NTM: variants seen among roughly 807,000 people sequenced by gnomAD.
NTM encodes the protein IgLON family member 2.
Under a neutral mutation model 42.1 loss-of-function variants are expected in NTM, and 13 were observed. The observed-to-expected ratio is 0.31, with a 90% CI of 0.20 to 0.49. The LOEUF (loss-of-function observed/expected upper bound fraction) is 0.49, where lower values mean the gene tolerates loss of function less well. NTM is among the 20% of genes least tolerant of loss of function. The probability of loss-of-function intolerance (pLI) is 0.99; values close to 1 mark genes in which losing one functional copy is unlikely to be tolerated. For missense variants in NTM, 373 were observed against 452.8 expected (o/e 0.82, Z 1.60); for synonymous variants, 187 against 179.2 (o/e 1.04, Z -0.35).
chr11:132,268,629 G>T (rs547841906), intron 4 of NTM, among the ~76,000 whole-genome samples: 1 of 150,306 alleles, frequency 6.7e-6, no homozygotes, highest in Admixed American at 6.7e-5. Context: ...GTGTGTGTGT[G>T]TGTATGTGTG....
intron 2 of NTM, among the ~76,000 whole-genome samples, chr11:132,033,802 C>G (rs199896651): frequency 6.6e-6 from 1 of 152,068 alleles, no homozygotes; most frequent in East Asian, 1.9e-4. Flanking sequence ...GAGATAAATC[C>G]GGAGACTGGA....
intron 1 of NTM, among the ~76,000 whole-genome samples, chr11:131,848,707 G>T (rs1263283217): frequency 6.6e-6 from 1 of 152,110 alleles, no homozygotes; most frequent in East Asian, 1.9e-4. Context: ...CATCGCCCTT[G>T]GTTCTCATTC....
intron 1 of NTM, among the ~76,000 whole-genome samples, chr11:131,834,176 G>A (rs1160904710): frequency 6.6e-6 from 1 of 152,130 alleles, no homozygotes; most frequent in Non-Finnish European, 1.5e-5. Context: ...GTGCTACTCA[G>A]AATAGGGAGG....
intron 1 of NTM, among the ~76,000 whole-genome samples, chr11:131,664,610 G>A (rs751279584): frequency 3.9e-5 from 6 of 151,984 alleles, no homozygotes; most frequent in South Asian, 2.1e-4. Context: ...CATACGTTGC[G>A]GTTCCCGTGT....
At chr11:132,115,903 A>G (rs2063823746) in intron 2 of NTM, among the ~76,000 whole-genome samples, 1 of 152,158 alleles carries the variant, frequency 6.6e-6, no homozygotes, top group African/African-American at 2.4e-5. Context: ...ATTGGGGCAA[A>G]TAAGCAAAAC....
At chr11:131,509,722 C>T (rs889220799) in intron 1 of NTM, among the ~76,000 whole-genome samples, 6 of 152,190 alleles carry the variant, frequency 3.9e-5, no homozygotes, top group Admixed American at 2.0e-4. Context: ...TTAGTCCATC[C>T]TTCCATTAAT....
chr11:131,415,302 T>A (rs1163272813), intron 1 of NTM, among the ~76,000 whole-genome samples: 3 of 152,184 alleles, frequency 2.0e-5, no homozygotes, highest in Non-Finnish European at 4.4e-5. Flanking sequence ...TGGGTCGGCC[T>A]GATGCCTGGT....
chr11:132,094,099 T>C (rs902406717), intron 2 of NTM, among the ~76,000 whole-genome samples: 28 of 152,180 alleles, frequency 1.8e-4, no homozygotes, highest in African/African-American at 6.5e-4. Flanking sequence ...TTGGCCACCT[T>C]TGATTGGCCA....
At chr11:131,582,947 C>T (rs951482250) in intron 1 of NTM, among the ~76,000 whole-genome samples, 1 of 152,222 alleles carries the variant, frequency 6.6e-6, no homozygotes, top group Non-Finnish European at 1.5e-5. Flanking sequence ...TTTCTTTTAA[C>T]TGAGGTTTTC....
chr11:131,844,150 T>C (rs1210588725), intron 1 of NTM, among the ~76,000 whole-genome samples: 1 of 152,250 alleles, frequency 6.6e-6, no homozygotes, highest in Non-Finnish European at 1.5e-5. Context: ...ATTCTAATAA[T>C]GGCAAAGTGT....
chr11:132,161,063 C>A (rs1354892147), intron 3 of NTM, among the ~76,000 whole-genome samples: 1 of 152,170 alleles, frequency 6.6e-6, no homozygotes, highest in Non-Finnish European at 1.5e-5. Context: ...TATCTGGGAG[C>A]AATGCAGAGA....
intron 3 of NTM, among the ~76,000 whole-genome samples, chr11:132,191,219 G>A (rs1378130895): frequency 6.6e-6 from 1 of 152,140 alleles, no homozygotes; most frequent in Admixed American, 6.5e-5. Flanking sequence ...GAGCAGCTTA[G>A]CCACCCAACC....
intron 1 of NTM, among the ~76,000 whole-genome samples, chr11:131,606,387 C>T (rs1288863277): frequency 6.6e-6 from 1 of 152,078 alleles, no homozygotes; most frequent in Non-Finnish European, 1.5e-5. Context: ...TACCACTGTT[C>T]CTGGAATATA....
intron 3 of NTM, among the ~76,000 whole-genome samples, chr11:132,163,160 A>G (rs1223906202): frequency 6.6e-6 from 1 of 152,100 alleles, no homozygotes; most frequent in East Asian, 1.9e-4. Flanking sequence ...CTCAGGAAAA[A>G]GGGATTTCCT....
At chr11:131,825,482 T>C (rs2042019322) in intron 1 of NTM, among the ~76,000 whole-genome samples, 1 of 152,264 alleles carries the variant, frequency 6.6e-6, no homozygotes, top group African/African-American at 2.4e-5. Context: ...CGAGGACTGG[T>C]AAGTCATGTT....
At chr11:132,055,568 A>G (rs2079510116) in intron 2 of NTM, among the ~76,000 whole-genome samples, 1 of 152,134 alleles carries the variant, frequency 6.6e-6, no homozygotes. Context: ...AGGAGACAGT[A>G]AACGTGCATT....
intron 4 of NTM, among the ~76,000 whole-genome samples, chr11:132,292,876 C>T (rs1005615371): frequency 6.1e-5 from 9 of 146,588 alleles, no homozygotes; most frequent in Admixed American, 4.1e-4. Context: ...TTCCCTCAAG[C>T]GACTGAACAA....
At chr11:131,576,426 C>T (rs2057938658) in intron 1 of NTM, among the ~76,000 whole-genome samples, 1 of 152,146 alleles carries the variant, frequency 6.6e-6, no homozygotes, top group South Asian at 2.1e-4. Context: ...AGGGTCACAG[C>T]CCTGACCTGC....
intron 1 of NTM, among the ~76,000 whole-genome samples, chr11:131,733,825 A>G (rs764794161): frequency 1.6e-4 from 24 of 152,314 alleles, no homozygotes; most frequent in Middle Eastern, 3.4e-3. Context: ...GGCATGAGCC[A>G]TTGTGCCCGA....
Sources: gnomAD v4.1 joint callset for allele counts (sites outside exome capture counted in the v4.1 genomes callset) on GRCh38, gnomAD v4.1.1 for gene constraint, MANE v1.5 for transcripts, NCBI Gene and HGNC (gene_info 2026-07-23, HGNC 2026-07-21) for gene names.